PRKCE: variants seen among roughly 807,000 people sequenced by gnomAD.
The protein encoded by PRKCE is protein kinase C epsilon, also known as protein kinase C epsilon type.
In PRKCE, 16 loss-of-function variants were observed where a neutral mutation model predicts 85.4. The observed-to-expected ratio is 0.19, with a 90% CI of 0.13 to 0.28. The LOEUF is 0.28. Ranked by LOEUF, PRKCE falls within the 10% of genes least tolerant of loss-of-function variation. PRKCE has a pLI of 1.00. For missense variants in PRKCE, 573 were observed against 975.2 expected (o/e 0.59, Z 5.49); for synonymous variants, 388 against 371.5 (o/e 1.04, Z -0.51).
At chr2:46,013,646 C>T (rs1705873903) in intron 10 of PRKCE, among the ~76,000 whole-genome samples, 1 of 152,192 alleles carries the variant, frequency 6.6e-6, no homozygotes, top group Non-Finnish European at 1.5e-5. Flanking sequence ...TCTGATACAA[C>T]ATTCAGGAAC....
intron 6 of PRKCE, among the ~76,000 whole-genome samples, chr2:45,999,724 G>C (rs552485923): frequency 6.6e-6 from 1 of 151,738 alleles, no homozygotes; most frequent in African/African-American, 2.4e-5. Context: ...CTTTCTTCTC[G>C]TAGTGGTAGT....
chr2:45,748,136 G>T (rs1232070461), intron 1 of PRKCE, among the ~76,000 whole-genome samples: 1 of 152,150 alleles, frequency 6.6e-6, no homozygotes, highest in Non-Finnish European at 1.5e-5. Flanking sequence ...ACAACCATTG[G>T]TTATTATAGG....
At chr2:45,716,463 G>A (rs1454692722) in intron 1 of PRKCE, among the ~76,000 whole-genome samples, 1 of 152,000 alleles carries the variant, frequency 6.6e-6, no homozygotes, top group Admixed American at 6.6e-5. Flanking sequence ...GTTGCAGAGA[G>A]CCAACTTCTG....
chr2:46,133,614 A>G (rs1038954257), intron 11 of PRKCE, among the ~76,000 whole-genome samples: 3 of 152,130 alleles, frequency 2.0e-5, no homozygotes, highest in Admixed American at 1.3e-4. Context: ...GACCCTGCCC[A>G]TCATTTCGTT....
chr2:45,922,753 T>C (rs1414575881), intron 2 of PRKCE, among the ~76,000 whole-genome samples: 1 of 152,220 alleles, frequency 6.6e-6, no homozygotes, highest in Non-Finnish European at 1.5e-5. Context: ...TGGCTTTTGG[T>C]TGCCTGGAGA....
intron 11 of PRKCE, among the ~76,000 whole-genome samples, chr2:46,119,669 G>C (rs990358031): frequency 1.3e-5 from 2 of 152,162 alleles, no homozygotes; most frequent in African/African-American, 4.8e-5. Context: ...TCTCTGCTTA[G>C]CAAGTGAAGA....
At chr2:45,715,498 C>G (rs1288164075) in intron 1 of PRKCE, among the ~76,000 whole-genome samples, 1 of 152,224 alleles carries the variant, frequency 6.6e-6, no homozygotes, top group Non-Finnish European at 1.5e-5. Context: ...TCCCTCCCCT[C>G]TTGCTTCCAT....
chr2:45,967,148 G>C (rs1236995547), intron 2 of PRKCE, among the ~76,000 whole-genome samples: 1 of 152,092 alleles, frequency 6.6e-6, no homozygotes. Flanking sequence ...ATACCCCCAT[G>C]GTGGCCATTT....
chr2:46,108,571 A>C (rs368099408), intron 11 of PRKCE, among the ~76,000 whole-genome samples: 8 of 152,196 alleles, frequency 5.3e-5, no homozygotes, highest in African/African-American at 1.9e-4. Context: ...TGCTCCAGTG[A>C]TGGCTGCACT....
At chr2:45,919,439 C>A (rs551527616) in intron 2 of PRKCE, among the ~76,000 whole-genome samples, 1 of 152,252 alleles carries the variant, frequency 6.6e-6, no homozygotes, top group Non-Finnish European at 1.5e-5. Context: ...GCCCTCTGGC[C>A]TCTCTTATTT....
intron 1 of PRKCE, among the ~76,000 whole-genome samples, chr2:45,654,955 C>T (rs975132885): frequency 4.6e-5 from 7 of 152,182 alleles, no homozygotes; most frequent in African/African-American, 1.7e-4. Flanking sequence ...TCTCTTCACT[C>T]CTTACCTGGC....
chr2:45,832,510 G>A (rs536132260), intron 1 of PRKCE, among the ~76,000 whole-genome samples: 19 of 151,972 alleles, frequency 1.3e-4, no homozygotes, highest in Non-Finnish European at 1.9e-4. Context: ...ATGGGGTTTC[G>A]CCATATTGGC....
rs1174121145 is a variant in PRKCE at position 46,026,890 on chromosome 2, G to A, written c.1437+16373G>A. Among the ~76,000 whole-genome samples, 3 of 152,182 alleles carry A rather than the reference G, an allele frequency of 2.0e-5. No individual in the cohort carries two copies. In the East Asian group the frequency reaches 5.8e-4, roughly 29 times the overall value. On this transcript the variant is annotated intron_variant, in intron 10 of 14. Transcript: ENST00000306156. Reference sequence around the variant, plus strand: ...GAGGAAACACATGGGTGATGAAACTGTAAAGAAAAGCAAGGGGCCGGGTGT... The same window carrying A: ...GAGGAAACACATGGGTGATGAAACTATAAAGAAAAGCAAGGGGCCGGGTGT...
intron 2 of PRKCE, among the ~76,000 whole-genome samples, chr2:45,847,135 T>G (rs966929899): frequency 6.6e-6 from 1 of 152,246 alleles, no homozygotes; most frequent in Admixed American, 6.5e-5. Flanking sequence ...TTTTGCCTAT[T>G]GTCACTCCAT....
In PRKCE at chr2:46,187,134, T is replaced by A. The variant is rs576956280; in HGVS notation, c.*2253T>A. 5 of 152,796 alleles carry A rather than the reference T, an allele frequency of 3.3e-5. No individual in the cohort carries two copies. Among genetic ancestry groups the A allele is most frequent in the Admixed American group, 1.3e-4 (2 of 15,306 alleles). 9.5% of individuals were successfully genotyped at this position (152,796 alleles called of 1,614,324 possible). Reference sequence around the variant, plus strand: ...GTGTAACTACTGTTCTTTCTTCTGCTTTCTTCACCATAATAAACTTTGGAC... The same window carrying A: ...GTGTAACTACTGTTCTTTCTTCTGCATTCTTCACCATAATAAACTTTGGAC... On this transcript the variant is annotated 3_prime_UTR_variant, in exon 15 of 15. Transcript: ENST00000306156.
At chr2:45,813,653 C>T (rs1341505469) in intron 1 of PRKCE, among the ~76,000 whole-genome samples, 1 of 152,128 alleles carries the variant, frequency 6.6e-6, no homozygotes. Flanking sequence ...AAGCCACTTC[C>T]AGCATACAGG....
chr2:46,046,280 A>G (rs1043938002), intron 10 of PRKCE, among the ~76,000 whole-genome samples: 6 of 152,232 alleles, frequency 3.9e-5, no homozygotes, highest in African/African-American at 7.2e-5. Flanking sequence ...TGTCTCCACC[A>G]GACTCAGCAT....
chr2:45,742,041 A>G (rs7568380), intron 1 of PRKCE, among the ~76,000 whole-genome samples: 80,165 of 151,956 alleles, frequency 0.53, 22,727 homozygotes, highest in African/African-American at 0.75. Flanking sequence ...TCTCCATCTC[A>G]TTCTTGGGAA....
At chr2:46,015,835 A>G (rs3820733) in intron 10 of PRKCE, among the ~76,000 whole-genome samples, 130,321 of 152,232 alleles carry the variant, frequency 0.86, 56,459 homozygotes, top group African/African-American at 0.97. Context: ...CATACTGTCT[A>G]CCTGAGGCAC....
Sources: allele counts gnomAD v4.1 joint callset (sites outside exome capture counted in the v4.1 genomes callset), GRCh38; gene constraint gnomAD v4.1.1; transcripts MANE v1.5; gene names NCBI Gene and HGNC (gene_info 2026-07-23, HGNC 2026-07-21).